Variants in GNB5 observed in about 807,000 individuals in gnomAD.
GNB5 encodes G protein subunit beta 5.
A neutral mutation model predicts 55.3 loss-of-function variants in GNB5; 37 were observed. That is an observed-to-expected ratio of 0.67 (90% CI 0.51 to 0.88). GNB5 has a LOEUF of 0.88. GNB5 is among the 40% of genes least tolerant of loss of function. The pLI, the probability that GNB5 is intolerant of heterozygous loss-of-function variation, is 0.00. For synonymous variants in GNB5, 219 were observed against 198.5 expected (o/e 1.10, Z -0.87); for missense variants, 476 against 515.3 (o/e 0.92, Z 0.74).
chr15:52,137,576 C>T lies in GNB5; in HGVS notation c.628-1820G>A, dbSNP rs10518677. On this transcript the variant is annotated intron_variant, in intron 7 of 12. Coordinates refer to ENST00000261837, the MANE Select transcript of GNB5 (RefSeq NM_016194.4). ...AGAGCCTCTGGATAGCTTACAAGTA[C>T]AAAGGTCAGCCATAGAGTAAAGGCA... 1.9e-3 allele frequency: 2,018 copies of T among 1,060,896 alleles called. 64 individuals are homozygous for T. In the Admixed American group the frequency reaches 0.055, roughly 29 times the overall value. 65.7% of individuals were successfully genotyped at this position (1,060,896 alleles called of 1,614,324 possible). A position where few individuals can be genotyped will look rare whatever the true frequency, so the allele number is the denominator to read the frequency against.
intron 1 of GNB5, among the ~76,000 whole-genome samples, chr15:52,188,182 T>C (rs963867049): frequency 1.3e-5 from 2 of 152,214 alleles, no homozygotes; most frequent in Non-Finnish European, 2.9e-5. Context: ...TGCATATTAC[T>C]GGAAAACACC....
rs919930402 is a variant in GNB5, at chr15:52,126,231, G to T, written c.913-187C>A. The T allele has an allele frequency of 8.4e-5, 45 of 533,808 alleles. No homozygotes were observed. In the South Asian group the frequency reaches 1.2e-3, roughly 15 times the overall value. The allele number at this position is 533,808 out of a possible 1,614,324, so 33.1% of individuals were successfully genotyped here. A position where few individuals can be genotyped will look rare whatever the true frequency, so the allele number is the denominator to read the frequency against. On this transcript the variant is annotated intron_variant, in intron 10 of 12. Coordinates refer to ENST00000261837, the MANE Select transcript of GNB5 (RefSeq NM_016194.4). ...CTGTTAATTTCTATGAGTCAGTAAA[G>T]AGTCCTGATTCCTATTAATCTCTAT...
chr15:52,175,696 GC>G (rs749800172), intron 3 of GNB5, among the ~76,000 whole-genome samples: 42 of 151,906 alleles, frequency 2.8e-4, no homozygotes, highest in Middle Eastern at 3.4e-3. Context: ...CTGAGATTGT[GC>G]CACTGGACTC....
In GNB5 at chr15:52,117,102, A is replaced by ATATTTTTTTTTTTTTTTTTTTTTTTTT; in HGVS notation, c.*5654_*5655insAAAAAAAAAAAAAAAAAAAAAAAAATA. 3.4e-5 allele frequency: 3 copies of ATATTTTTTTTTTTTTTTTTTTTTTTTT among 87,100 alleles called. No homozygotes were observed. Among genetic ancestry groups the ATATTTTTTTTTTTTTTTTTTTTTTTTT allele is most frequent in the African/African-American group, 6.1e-5 (1 of 16,420 alleles). 5.4% of individuals were successfully genotyped at this position (87,100 alleles called of 1,614,324 possible). ...CCACGCCCAGCTAATATATATATAT[A>ATATTTTTTTTTTTTTTTTTTTTTTTTT]TTTTTTTTTAGTACAGACAGGGTTT... On this transcript the variant is annotated 3_prime_UTR_variant, in exon 13 of 13. Transcript: ENST00000261837.
At chr15:52,169,211 T>C (rs1452251360) in intron 3 of GNB5, among the ~76,000 whole-genome samples, 1 of 151,100 alleles carries the variant, frequency 6.6e-6, no homozygotes, top group South Asian at 2.1e-4. Context: ...TCCCAGCTAC[T>C]TGGGAGGCTG....
At chr15:52,151,497 G>A (rs891036356) in intron 4 of GNB5, among the ~76,000 whole-genome samples, 3 of 152,202 alleles carry the variant, frequency 2.0e-5, no homozygotes, top group African/African-American at 7.2e-5. Flanking sequence ...TGGCTGGGGT[G>A]ACTACTCTCC....
At position 52,135,606 on chromosome 15, in the gene GNB5, T is replaced by C. The variant is rs964593012; in HGVS notation, c.771+7A>G. 4 of 1,612,886 alleles carry C rather than the reference T, an allele frequency of 2.5e-6. No homozygotes were observed. Among genetic ancestry groups the C allele is most frequent in the Non-Finnish European group, 3.4e-6 (4 of 1,179,262 alleles). On this transcript the variant is annotated splice_region_variant and intron_variant, in intron 8 of 12. Transcript: ENST00000261837. ...GGAGCCCTAGGGAATTTCCACTGGG[T>C]CTTTACCCCAGACACGAAGGTGTTT...
chr15:52,136,403 A>T (rs2033724799), intron 7 of GNB5, among the ~76,000 whole-genome samples: 1 of 152,078 alleles, frequency 6.6e-6, no homozygotes, highest in South Asian at 2.1e-4. Flanking sequence ...GATGCCTCCC[A>T]CTGCTGTGCA....
chr15:52,138,031 G>T, intron 7 of GNB5: 2 of 1,057,584 alleles, frequency 1.9e-6, no homozygotes, highest in Non-Finnish European at 2.6e-6. Flanking sequence ...ATTTCCAGCT[G>T]CTGATGGGAT....
chr15:52,178,783 T>C (rs1397584605), intron 3 of GNB5, among the ~76,000 whole-genome samples: 5 of 152,184 alleles, frequency 3.3e-5, no homozygotes, highest in Admixed American at 3.3e-4. Flanking sequence ...GTAAAGGCCC[T>C]AGCACGAACC....
intron 7 of GNB5, among the ~76,000 whole-genome samples, chr15:52,136,113 AACACACACACACACAC>A (rs751263225): frequency 0.016 from 803 of 50,724 alleles, 22 homozygotes; most frequent in Non-Finnish European, 0.018. Context: ...AAAAGCAGAA[AACACACACACACACAC>A]ACACACACAC....
At chr15:52,178,817 T>C (rs140883441) in intron 3 of GNB5, among the ~76,000 whole-genome samples, 74 of 152,270 alleles carry the variant, frequency 4.9e-4, no homozygotes, top group African/African-American at 1.8e-3. Flanking sequence ...CCACATAGAA[T>C]GTAAAGGGTG....
At chr15:52,125,700 A>T in intron 11 of GNB5, 1 of 364,166 alleles carries the variant, frequency 2.7e-6, no homozygotes, top group Non-Finnish European at 4.9e-6. Flanking sequence ...CTGACACTTC[A>T]TTGCCTTGAA....
intron 9 of GNB5, among the ~76,000 whole-genome samples, chr15:52,131,836 T>C (rs866049119): frequency 1.3e-5 from 2 of 152,222 alleles, no homozygotes; most frequent in African/African-American, 4.8e-5. Context: ...CTTTATAAAC[T>C]GTCTCAACAG....
At chr15:52,161,764 C>A (rs1478721366) in intron 3 of GNB5, among the ~76,000 whole-genome samples, 7 of 152,230 alleles carry the variant, frequency 4.6e-5, no homozygotes, top group Non-Finnish European at 1.0e-4. Flanking sequence ...AAGGACTGAG[C>A]ACCTTTCGCA....
intron 6 of GNB5, among the ~76,000 whole-genome samples, chr15:52,146,326 T>C (rs1273029958): frequency 6.6e-6 from 1 of 152,184 alleles, no homozygotes; most frequent in Non-Finnish European, 1.5e-5. Context: ...GTCTCAGAGT[T>C]GTTCAACACA....
chr15:52,149,606 G>A, intron 5 of GNB5: 1 of 591,054 alleles, frequency 1.7e-6, no homozygotes. Flanking sequence ...ACATGTGGTT[G>A]CAAGTTTTCC....
intron 9 of GNB5, among the ~76,000 whole-genome samples, chr15:52,130,661 G>A (rs2033551700): frequency 6.6e-6 from 1 of 152,150 alleles, no homozygotes; most frequent in African/African-American, 2.4e-5. Flanking sequence ...GAGTAAACTG[G>A]CCATGCAGTG....
chr15:52,156,095 G>C (rs1858046554), intron 3 of GNB5, among the ~76,000 whole-genome samples: 1 of 152,128 alleles, frequency 6.6e-6, no homozygotes, highest in South Asian at 2.1e-4. Flanking sequence ...TCCTCTCCCA[G>C]TTATTTATTT....
Sources: gnomAD v4.1 joint callset for allele counts (sites outside exome capture counted in the v4.1 genomes callset) on GRCh38, gnomAD v4.1.1 for gene constraint, MANE v1.5 for transcripts, NCBI Gene and HGNC (gene_info 2026-07-23, HGNC 2026-07-21) for gene names.